FAM168A: variants seen among roughly 807,000 people sequenced by gnomAD.
FAM168A encodes the protein family with sequence similarity 168 member A, also known as protein FAM168A.
Under a neutral mutation model 28.5 loss-of-function variants are expected in FAM168A, and 3 were observed. That is an observed-to-expected ratio of 0.11 (90% confidence interval 0.05 to 0.27). FAM168A has a LOEUF of 0.27. FAM168A is among the 10% of genes least tolerant of loss of function. The probability of loss-of-function intolerance (pLI) is 1.00; values close to 1 mark genes in which losing one functional copy is unlikely to be tolerated. For synonymous variants in FAM168A, 122 were observed against 124.2 expected (o/e 0.98, Z 0.12); for missense variants, 222 against 311.5 (o/e 0.71, Z 2.16).
intron 1 of FAM168A, among the ~76,000 whole-genome samples, chr11:73,552,849 C>T (rs769163278): frequency 2.0e-4 from 31 of 151,936 alleles, no homozygotes; most frequent in Non-Finnish European, 3.5e-4. Flanking sequence ...CCCAGCTACT[C>T]GGGAGACTGA....
intron 1 of FAM168A, among the ~76,000 whole-genome samples, chr11:73,511,396 C>T (rs922844973): frequency 2.0e-5 from 3 of 151,966 alleles, no homozygotes; most frequent in African/African-American, 7.3e-5. Flanking sequence ...GCCACTACGC[C>T]CGGCTAATTT....
At chr11:73,575,629 G>A (rs1328378838) in intron 1 of FAM168A, among the ~76,000 whole-genome samples, 1 of 152,150 alleles carries the variant, frequency 6.6e-6, no homozygotes, top group African/African-American at 2.4e-5. Context: ...CAGCACTTTG[G>A]GAGGCTGAGG....
intron 1 of FAM168A, among the ~76,000 whole-genome samples, chr11:73,491,364 C>T (rs1369189300): frequency 2.0e-5 from 3 of 152,202 alleles, no homozygotes; most frequent in South Asian, 2.1e-4. Flanking sequence ...AACCAAAAGA[C>T]GCTCTTACAA....
chr11:73,434,043 A>G (rs904609600), intron 2 of FAM168A, among the ~76,000 whole-genome samples: 1 of 151,942 alleles, frequency 6.6e-6, no homozygotes, highest in Non-Finnish European at 1.5e-5. Context: ...ATGGGGTTTC[A>G]CCATGTTGGC....
At chr11:73,444,231 ACT>A (rs1348928398) in intron 2 of FAM168A, among the ~76,000 whole-genome samples, 24 of 152,376 alleles carry the variant, frequency 1.6e-4, no homozygotes, top group African/African-American at 5.5e-4. Flanking sequence ...AACAGTAAGT[ACT>A]TCAGTAAATA....
intron 1 of FAM168A, among the ~76,000 whole-genome samples, chr11:73,494,878 T>C (rs886313817): frequency 6.6e-6 from 1 of 151,950 alleles, no homozygotes; most frequent in African/African-American, 2.4e-5. Context: ...CCCATGCCTG[T>C]AATCCCAGCT....
chr11:73,435,543 C>G (rs1867071410), intron 2 of FAM168A, among the ~76,000 whole-genome samples: 1 of 152,166 alleles, frequency 6.6e-6, no homozygotes, highest in Non-Finnish European at 1.5e-5. Context: ...TCCTTCCTTT[C>G]TTACTTCTTT....
At chr11:73,411,621 A>T (rs993778735) in intron 4 of FAM168A, 85 bp from the exon 5 acceptor site, 1 of 1,398,288 alleles carries the variant, frequency 7.2e-7, no homozygotes, top group Non-Finnish European at 1.0e-6. Context: ...ACGACTCCCC[A>T]GACAAAGATG....
intron 1 of FAM168A, chr11:73,580,414 G>GA: frequency 1.6e-6 from 1 of 619,322 alleles, no homozygotes; most frequent in Non-Finnish European, 3.1e-6. Context: ...TACCCAAAGG[G>GA]AAAAAGGGAA....
At chr11:73,592,005 A>G (rs986136541) in intron 1 of FAM168A, among the ~76,000 whole-genome samples, 1 of 152,262 alleles carries the variant, frequency 6.6e-6, no homozygotes, top group African/African-American at 2.4e-5. Flanking sequence ...TAAAATACTT[A>G]GAAAAATTAT....
intron 1 of FAM168A, among the ~76,000 whole-genome samples, chr11:73,558,201 C>T (rs1003857073): frequency 6.6e-6 from 1 of 151,920 alleles, no homozygotes; most frequent in African/African-American, 2.4e-5. Context: ...AGTGAAGAGG[C>T]CAAATGTGAC....
chr11:73,416,463 TG>T (rs1016509953), intron 4 of FAM168A, among the ~76,000 whole-genome samples: 1 of 152,210 alleles, frequency 6.6e-6, no homozygotes, highest in African/African-American at 2.4e-5. Flanking sequence ...GACTCCTTGT[TG>T]GTAGCCAAGT....
intron 1 of FAM168A, among the ~76,000 whole-genome samples, chr11:73,593,811 T>C (rs1201691239): frequency 1.3e-5 from 2 of 152,222 alleles, no homozygotes; most frequent in Non-Finnish European, 2.9e-5. Context: ...TTATTCGCAC[T>C]TTACAGATGA....
intron 1 of FAM168A, among the ~76,000 whole-genome samples, chr11:73,532,557 C>T (rs1466788937): frequency 2.0e-5 from 3 of 152,172 alleles, no homozygotes; most frequent in Non-Finnish European, 4.4e-5. Context: ...AACTGTATAT[C>T]TTTAGAGCTT....
intron 4 of FAM168A, among the ~76,000 whole-genome samples, chr11:73,414,591 C>T (rs982568485): frequency 3.9e-5 from 6 of 152,142 alleles, no homozygotes; most frequent in African/African-American, 9.7e-5. Context: ...ACATCAGTCT[C>T]GCGTGTGATA....
Position 73,591,756 on chromosome 11 carries a change from C to T in FAM168A, c.-19+6167G>A, listed in dbSNP as rs149963492. Among the ~76,000 whole-genome samples, 112 of 152,306 alleles carry T rather than the reference C, an allele frequency of 7.4e-4. 1 individual carries two copies. The highest frequency in any genetic ancestry group is 2.5e-3 in the African/African-American group (105 of 41,546). Reference sequence around the variant, plus strand: ...AACTCCTGGGCTCAAGCGATCTTCCCACCTTGGCCTCCCAAAATCCTGGGA... The same window carrying T: ...AACTCCTGGGCTCAAGCGATCTTCCTACCTTGGCCTCCCAAAATCCTGGGA... On this transcript the variant is annotated intron_variant, in intron 1 of 7. Coordinates refer to ENST00000356467, the MANE Select transcript of FAM168A (RefSeq NM_015159.3).
chr11:73,537,970 A>G (rs1365722328), intron 1 of FAM168A, among the ~76,000 whole-genome samples: 1 of 152,228 alleles, frequency 6.6e-6, no homozygotes, highest in Non-Finnish European at 1.5e-5. Context: ...ATAATTAATG[A>G]GCACCAACTT....
chr11:73,529,016 C>T (rs1943482508), intron 1 of FAM168A, among the ~76,000 whole-genome samples: 1 of 152,132 alleles, frequency 6.6e-6, no homozygotes, highest in South Asian at 2.1e-4. Context: ...AAAAAGTACC[C>T]TGCTGCTAGG....
chr11:73,526,475 T>A (rs1943448783), intron 1 of FAM168A, among the ~76,000 whole-genome samples: 1 of 152,174 alleles, frequency 6.6e-6, no homozygotes, highest in African/African-American at 2.4e-5. Context: ...CTGAATTAAG[T>A]CACCTCTTCT....
Sources: allele counts gnomAD v4.1 joint callset (sites outside exome capture counted in the v4.1 genomes callset), GRCh38; gene constraint gnomAD v4.1.1; transcripts MANE v1.5; gene names NCBI Gene and HGNC (gene_info 2026-07-23, HGNC 2026-07-21).